The following STAB2 variants were observed in gnomAD, a reference collection of about 807,000 sequenced individuals.
STAB2 encodes stabilin-2.
Under a neutral mutation model 338.1 loss-of-function variants are expected in STAB2, and 288 were observed. That is an observed-to-expected ratio of 0.85 (90% confidence interval 0.77 to 0.94). The LOEUF (loss-of-function observed/expected upper bound fraction) is 0.94. Ranked by LOEUF, STAB2 falls within the 40% of genes least tolerant of loss-of-function variation. The pLI is 0.00. For synonymous variants in STAB2, 1,202 were observed against 1,193.3 expected (o/e 1.01, Z -0.15); for missense variants, 3,141 against 3,210.1 (o/e 0.98, Z 0.52).
At chr12:103,587,731 C>A (rs905158210) in intron 1 of STAB2, among the ~76,000 whole-genome samples, 174 bp downstream of exon 1, 1 of 152,222 alleles carries the variant, frequency 6.6e-6, no homozygotes, top group African/African-American at 2.4e-5. Flanking sequence ...CGAAGGTGTG[C>A]TAACCCACTT....
intron 61 of STAB2, 89 bp downstream of exon 61, chr12:103,753,442 T>C (rs1883846886): frequency 1.3e-6 from 2 of 1,580,412 alleles, no homozygotes; most frequent in African/African-American, 1.3e-5. Flanking sequence ...ACTTGAGCTG[T>C]TGCCTTCAAG....
In STAB2 at chr12:103,688,115, TTC is replaced by T. The variant is rs1877592964; in HGVS notation, c.2998-49_2998-48del. ...CTGTGATTGCACTTCTCATTGTTCT[TTC>T]TCTGTGTTCTCTCCCATCTCTTCTT... is the stretch of plus-strand genomic sequence containing the variant. On this transcript the variant is annotated intron_variant, in intron 27 of 68. Transcript: ENST00000388887. 14 of 1,552,464 alleles carry T rather than the reference TTC, an allele frequency of 9.0e-6. No homozygotes were observed. The South Asian group carries it at 1.6e-4, about 17-fold the overall frequency.
At chr12:103,703,419 G>A in intron 35 of STAB2, 143 bp downstream of exon 35, 1 of 1,079,150 alleles carries the variant, frequency 9.3e-7, no homozygotes, top group Non-Finnish European at 1.3e-6. Context: ...ATGTGCCAAG[G>A]AGCATACCAG....
chr12:103,608,853 T>G (rs1243680818), intron 3 of STAB2, among the ~76,000 whole-genome samples: 1 of 152,254 alleles, frequency 6.6e-6, no homozygotes, highest in Non-Finnish European at 1.5e-5. Flanking sequence ...CATCTTGAAT[T>G]AATTTTTCTA....
chr12:103,642,253 T>C (rs562028192), intron 9 of STAB2, among the ~76,000 whole-genome samples: 1 of 152,352 alleles, frequency 6.6e-6, no homozygotes, highest in Admixed American at 6.5e-5. Context: ...CCTTTTTACT[T>C]TTACTTATTA....
intron 3 of STAB2, among the ~76,000 whole-genome samples, chr12:103,614,822 C>T (rs931254758): frequency 2.0e-5 from 3 of 152,304 alleles, no homozygotes; most frequent in East Asian, 1.9e-4. Flanking sequence ...ATAAATTTGT[C>T]GAGCACACCC....
intron 21 of STAB2, among the ~76,000 whole-genome samples, chr12:103,670,459 C>A (rs550674512): frequency 3.3e-5 from 5 of 152,302 alleles, no homozygotes; most frequent in South Asian, 4.1e-4. Context: ...CCCAGTTCAG[C>A]ATTGTGATGC....
At chr12:103,649,495 C>A (rs553400966) in intron 10 of STAB2, among the ~76,000 whole-genome samples, 10 of 152,250 alleles carry the variant, frequency 6.6e-5, no homozygotes, top group Non-Finnish European at 1.5e-4. Flanking sequence ...AACACAAATC[C>A]AGCCGTTCTG....
chr12:103,691,096 A>G (rs1877898456), intron 30 of STAB2, among the ~76,000 whole-genome samples: 1 of 152,228 alleles, frequency 6.6e-6, no homozygotes, highest in African/African-American at 2.4e-5. Flanking sequence ...AGCCCTAGAG[A>G]AGCTTATCAT....
At chr12:103,625,323 G>C (rs1396418420) in intron 5 of STAB2, among the ~76,000 whole-genome samples, 1 of 152,208 alleles carries the variant, frequency 6.6e-6, no homozygotes, top group Non-Finnish European at 1.5e-5. Context: ...GTGTTGTGGA[G>C]AAAGGGCAAG....
chr12:103,620,353 T>C, intron 3 of STAB2, 115 bp from the exon 4 acceptor site: 2 of 934,188 alleles, frequency 2.1e-6, no homozygotes, highest in South Asian at 3.4e-5. Flanking sequence ...CAACAGGTTC[T>C]GCAATTATTT....
chr12:103,589,565 A>T (rs529840340), intron 1 of STAB2, among the ~76,000 whole-genome samples: 1 of 152,320 alleles, frequency 6.6e-6, no homozygotes, highest in South Asian at 2.1e-4. Context: ...TATTTCTAAG[A>T]GTTTAGCAAA....
rs1167138454 is a variant in STAB2, at chr12:103,735,571, C to T, written c.5541C>T (p.Gly1847=). 11 of 1,594,902 alleles carry T rather than the reference C, an allele frequency of 6.9e-6. No homozygotes were observed. The highest frequency in any genetic ancestry group is 2.3e-5 in the East Asian group (1 of 44,042). The change falls in exon 52 of 69, where the codon GGC becomes GGT. Residue 1847 remains glycine, a synonymous_variant. Transcript: ENST00000388887. ...AGCTGAGTGTGAAATGTGGAGCTGG[C>T]AGGGACATCGTGAGTATCATCATGA... ...GSELSVKCGA[G]RDIGDLFLNG... is the part of the protein sequence containing the mutation.
At chr12:103,633,174 G>A (rs1957491120) in intron 6 of STAB2, among the ~76,000 whole-genome samples, 1 of 152,144 alleles carries the variant, frequency 6.6e-6, no homozygotes, top group Non-Finnish European at 1.5e-5. Context: ...GGACTCCTGG[G>A]CAGAGGCCTT....
rs1593312918 is a variant in STAB2, at chr12:103,742,517, G to A, written c.5994G>A (p.Glu1998=). 1.9e-6 allele frequency: 3 copies of A among 1,614,196 alleles called. No individual in the cohort carries two copies. Among genetic ancestry groups the A allele is most frequent in the African/African-American group, 2.7e-5 (2 of 75,058 alleles). Reference sequence around the variant, plus strand: ...CCGGCTTCAATGGGACGGCGTGTGAGATGTGCTGGCCGGGGAGATTCGGGC... The same window carrying A: ...CCGGCTTCAATGGGACGGCGTGTGAAATGTGCTGGCCGGGGAGATTCGGGC... ...CNTGFNGTAC[E]MCWPGRFGPD... The change falls in exon 56 of 69, where the codon GAG becomes GAA. Residue 1998 remains glutamate, a synonymous_variant. Transcript: ENST00000388887.
intron 11 of STAB2, among the ~76,000 whole-genome samples, chr12:103,651,732 A>C (rs1369079768): frequency 6.6e-6 from 1 of 152,378 alleles, no homozygotes; most frequent in African/African-American, 2.4e-5. Flanking sequence ...AAATGATGGA[A>C]GCCAATAAAA....
At chr12:103,764,589 T>C (rs1884779636) in intron 68 of STAB2, among the ~76,000 whole-genome samples, 1 of 152,192 alleles carries the variant, frequency 6.6e-6, no homozygotes, top group South Asian at 2.1e-4. Context: ...TAATTTTTCT[T>C]TTTATAAAAG....
chr12:103,637,160 G>A lies in STAB2; in HGVS notation c.633G>A (p.Ser211=), dbSNP rs778564055. ...TCTGCCCAGAAAATTCCAGATGTTC[G>A]CCTTCCACTGAAGATGAAAACAAAC... is the stretch of plus-strand genomic sequence containing the variant. ...ALLCPENSRC[S]PSTEDENKLE... is the part of the protein sequence containing the mutation. Residue 211 remains serine (S), a synonymous_variant, in exon 7 of 69, where the codon TCG becomes TCA. Transcript: ENST00000388887. 56 of 1,610,960 alleles carry A rather than the reference G, an allele frequency of 3.5e-5. No individual in the cohort carries two copies. The highest frequency in any genetic ancestry group is 4.5e-5 in the East Asian group (2 of 44,814).
intron 58 of STAB2, among the ~76,000 whole-genome samples, chr12:103,748,570 G>T (rs1438360761): frequency 6.8e-6 from 1 of 147,660 alleles, no homozygotes; most frequent in East Asian, 2.0e-4. Flanking sequence ...GCTCAATATT[G>T]TACTAACTCT....
Sources: gnomAD v4.1 joint callset for allele counts (sites outside exome capture counted in the v4.1 genomes callset) on GRCh38, gnomAD v4.1.1 for gene constraint, MANE v1.5 for transcripts, NCBI Gene and HGNC (gene_info 2026-07-23, HGNC 2026-07-21) for gene names.